CNIH3: variants seen among roughly 807,000 people sequenced by gnomAD.
CNIH3 encodes protein cornichon homolog 3.
A neutral mutation model predicts 24.1 loss-of-function variants in CNIH3; 14 were observed. The observed-to-expected ratio is 0.58, with a 90% CI of 0.38 to 0.91. CNIH3 has a LOEUF of 0.91. CNIH3 is among the 40% of genes least tolerant of loss of function. CNIH3 has a pLI of 0.00. For synonymous variants in CNIH3, 68 were observed against 73.8 expected, an observed-to-expected ratio of 0.92 and a Z score of 0.40; for missense variants, 178 against 196.8, an observed-to-expected ratio of 0.90 and a Z score of 0.57.
At chr1:224,483,195 G>A (rs1572337926) in intron 1 of CNIH3, among the ~76,000 whole-genome samples, 1 of 152,238 alleles carries the variant, frequency 6.6e-6, no homozygotes, top group Admixed American at 6.5e-5. Flanking sequence ...ACCAGGTACT[G>A]TGAAATTAGT....
Position 224,616,421 on chromosome 1 carries a change from T to A in CNIH3, c.-754T>A. ...ACTGCTGCAGCCACCCGGGCTGGAG[T>A]TGGCCCGTTGGGTGGAGCCAGTGCT... On this transcript the variant is annotated 5_prime_UTR_variant, in exon 1 of 6. The change creates a new upstream start codon in the 5' untranslated region. Coordinates refer to ENST00000272133, the MANE Select transcript of CNIH3 (RefSeq NM_152495.2). 1 of 975,080 alleles carries A rather than the reference T, an allele frequency of 1.0e-6. No individual in the cohort carries two copies. Among genetic ancestry groups the A allele is most frequent in the Non-Finnish European group, 1.2e-6 (1 of 816,714 alleles). 60.4% of individuals were successfully genotyped at this position (975,080 alleles called of 1,614,324 possible). A position where few individuals can be genotyped will look rare whatever the true frequency, so the allele number is the denominator to read the frequency against.
At chr1:224,557,036 C>A (rs1680167219) in intron 3 of CNIH3, among the ~76,000 whole-genome samples, 1 of 152,082 alleles carries the variant, frequency 6.6e-6, no homozygotes, top group African/African-American at 2.4e-5. Context: ...AAGCACTCTG[C>A]AGCCTCCCCT....
exon 1 of CNIH3, chr1:224,434,810 C>G: frequency 1.0e-6 from 1 of 986,260 alleles, no homozygotes; most frequent in Non-Finnish European, 1.2e-6. Flanking sequence ...AGTCCAGGCG[C>G]TCGCGTCACA....
At chr1:224,463,460 G>A (rs1268712409) in intron 1 of CNIH3, among the ~76,000 whole-genome samples, 3 of 151,806 alleles carry the variant, frequency 2.0e-5, no homozygotes, top group Non-Finnish European at 4.4e-5. Context: ...CTAGGCTGGA[G>A]TGCAATCGCA....
At chr1:224,650,257 C>T (rs1684800542) in intron 1 of CNIH3, among the ~76,000 whole-genome samples, 1 of 152,098 alleles carries the variant, frequency 6.6e-6, no homozygotes, top group African/African-American at 2.4e-5. Flanking sequence ...GGAACCTCCA[C>T]TGTGAAGACT....
At chr1:224,669,803 T>C (rs896720812) in intron 1 of CNIH3, among the ~76,000 whole-genome samples, 1 of 152,206 alleles carries the variant, frequency 6.6e-6, no homozygotes, top group African/African-American at 2.4e-5. Context: ...TCTTTATACT[T>C]GAGGACACCG....
chr1:224,717,126 G>A (rs898045673), intron 3 of CNIH3, among the ~76,000 whole-genome samples: 1 of 152,224 alleles, frequency 6.6e-6, no homozygotes, highest in Admixed American at 6.5e-5. Flanking sequence ...GTGTGTGTCT[G>A]TGTGTGTGCA....
intron 3 of CNIH3, among the ~76,000 whole-genome samples, chr1:224,596,431 A>G (rs1456078240): frequency 6.6e-6 from 1 of 152,212 alleles, no homozygotes; most frequent in Non-Finnish European, 1.5e-5. Context: ...GCTCATTGAC[A>G]ATGTACTTAG....
intron 1 of CNIH3, among the ~76,000 whole-genome samples, chr1:224,493,894 C>T (rs1165764651): frequency 1.3e-5 from 2 of 152,112 alleles, no homozygotes; most frequent in East Asian, 1.9e-4. Flanking sequence ...TCATTAACAC[C>T]ACTTTGTGCT....
intron 1 of CNIH3, among the ~76,000 whole-genome samples, chr1:224,648,013 G>A (rs1684695158): frequency 6.6e-6 from 1 of 152,218 alleles, no homozygotes; most frequent in Admixed American, 6.5e-5. Flanking sequence ...GGCATGTTGA[G>A]GTTCTGGAGG....
At chr1:224,713,640 C>T (rs559967702) in intron 3 of CNIH3, among the ~76,000 whole-genome samples, 6 of 152,252 alleles carry the variant, frequency 3.9e-5, no homozygotes, top group East Asian at 1.9e-4. Flanking sequence ...GCTGAATAAA[C>T]ATTAGCCACT....
At position 224,481,248 on chromosome 1, in the gene CNIH3, C is replaced by T. The variant is rs1029481825; in HGVS notation, n.204-34493C>T. ...ATGATTCAGTTACCTTCCACCAGGT[C>T]CCTCCTACAACATGTGGGAATTCAA... On this transcript the variant is annotated intron_variant and non_coding_transcript_variant, in intron 1 of 5. Transcript: ENST00000471578. 5.3e-5 allele frequency among the ~76,000 whole-genome samples: 8 copies of T among 152,350 alleles called. No individual in the cohort carries two copies. The South Asian group carries it at 1.7e-3, about 32-fold the overall frequency.
In CNIH3 at chr1:224,605,145, A is replaced by C. The variant is rs971295574; in HGVS notation, n.402+38881A>C. On this transcript the variant is annotated intron_variant and non_coding_transcript_variant, in intron 3 of 7. Coordinates refer to the CNIH3 transcript ENST00000478120. Reference sequence around the variant, plus strand: ...AATAGGTGAAGGGTGGGGATCAATCAGAGCAAAGTACCGCAAACAGGAAGA... The same window carrying C: ...AATAGGTGAAGGGTGGGGATCAATCCGAGCAAAGTACCGCAAACAGGAAGA... Among the ~76,000 whole-genome samples the C allele has an allele frequency of 2.0e-5, 3 of 152,386 alleles. No individual in the cohort carries two copies. The East Asian group carries it at 5.8e-4, about 29-fold the overall frequency.
rs1172843635 is a variant in CNIH3 at position 224,684,265 on chromosome 1, G to A, written c.151-531G>A. ...CTTCTTAAAAAGCCTTAGCCTGGGG[G>A]CATCATTGTTGTCTAATTTAGTAGG... On this transcript the variant is annotated intron_variant, in intron 2 of 5. Coordinates refer to ENST00000272133, the MANE Select transcript of CNIH3 (RefSeq NM_152495.2). This position sits in a 1 kb window ranked among gnomAD's most constrained non-coding sequence, Gnocchi z 4.2. Among the ~76,000 whole-genome samples the A allele has an allele frequency of 6.6e-6, 1 of 152,218 alleles. No homozygotes were observed. Among genetic ancestry groups the A allele is most frequent in the Non-Finnish European group, 1.5e-5 (1 of 68,038 alleles).
intron 1 of CNIH3, 93 bp from the exon 2 acceptor site, chr1:224,680,865 G>A: frequency 1.1e-6 from 1 of 940,320 alleles, no homozygotes; most frequent in Non-Finnish European, 1.7e-6. Flanking sequence ...CTTCCTTTCT[G>A]TTGTGTTATT....
chr1:224,474,961 C>T (rs1418782652), intron 1 of CNIH3, among the ~76,000 whole-genome samples: 12 of 150,218 alleles, frequency 8.0e-5, no homozygotes, highest in South Asian at 2.1e-4. Context: ...AGGAGAATGG[C>T]GTGAACCCGG....
chr1:224,534,033 C>T (rs529472908), intron 2 of CNIH3, among the ~76,000 whole-genome samples: 2 of 152,250 alleles, frequency 1.3e-5, no homozygotes, highest in South Asian at 4.2e-4. Flanking sequence ...GGCATGGTGG[C>T]ACATGCCTGT....
Position 224,579,221 on chromosome 1 carries a change from T to C in CNIH3, n.517-3943T>C, listed in dbSNP as rs142588318. ...TTTGAGGTTCCTTTTTGTCTTTTCATAAGCTCTGTTTCCTCCAAGTTGTTG... is the reference window on the plus strand; with the variant it reads ...TTTGAGGTTCCTTTTTGTCTTTTCACAAGCTCTGTTTCCTCCAAGTTGTTG... On this transcript the variant is annotated intron_variant and non_coding_transcript_variant, in intron 4 of 5. Transcript: ENST00000471578. 4.3e-3 allele frequency among the ~76,000 whole-genome samples: 652 copies of C among 152,308 alleles called. 2 individuals carry two copies. The highest frequency in any genetic ancestry group is 7.4e-3 in the Non-Finnish European group (501 of 68,028).
At chr1:224,438,656 A>G (rs1188144567) in intron 1 of CNIH3, among the ~76,000 whole-genome samples, 1 of 152,172 alleles carries the variant, frequency 6.6e-6, no homozygotes, top group Non-Finnish European at 1.5e-5. Flanking sequence ...TCTTTGGAAC[A>G]CTAAAATTGT....
Sources: gnomAD v4.1 joint callset for allele counts (sites outside exome capture counted in the v4.1 genomes callset) on GRCh38, gnomAD v4.1.1 for gene constraint, Gnocchi (gnomAD v3.1) non-coding constraint, MANE v1.5 for transcripts, NCBI Gene and HGNC (gene_info 2026-07-23, HGNC 2026-07-21) for gene names.